Variants in IL11RA observed in about 807,000 individuals in gnomAD.
IL11RA encodes the protein interleukin 11 receptor subunit alpha.
A neutral mutation model predicts 57.0 loss-of-function variants in IL11RA; 51 were observed. The ratio of observed to expected loss-of-function variants is 0.89; its 90% CI spans 0.71 to 1.13. The LOEUF (loss-of-function observed/expected upper bound fraction) is 1.13, where lower values mean the gene tolerates loss of function less well. Among genes scored for constraint, IL11RA ranks in the 50% most tolerant of loss-of-function variants. IL11RA has a pLI of 0.00. For missense variants in IL11RA, 498 were observed against 539.4 expected, an observed-to-expected ratio of 0.92 and a Z score of 0.76; for synonymous variants, 199 against 217.5, an observed-to-expected ratio of 0.91 and a Z score of 0.75.
intron 3 of IL11RA, 129 bp downstream of exon 3, chr9:34,655,794 C>A (rs979581351): frequency 1.3e-6 from 1 of 790,556 alleles, no homozygotes; most frequent in Non-Finnish European, 2.2e-6. Context: ...CTGTCCTAAC[C>A]GTCTAACTAT....
At position 34,658,659 on chromosome 9, in the gene IL11RA, G is replaced by A. The variant is rs754009253; in HGVS notation, c.786G>A (p.Pro262=). 3.2e-5 allele frequency: 51 copies of A among 1,613,528 alleles called. No homozygotes were observed. Among genetic ancestry groups the A allele is most frequent in the East Asian group, 3.1e-4 (14 of 44,876 alleles). The change falls in exon 8 of 13, where the codon CCG becomes CCA. Residue 262 remains proline (P), a synonymous_variant. Transcript: ENST00000441545. This position sits in a 1 kb window ranked among gnomAD's most constrained non-coding sequence, Gnocchi z 4.0. ...FLLKFRLQYR[P]AQHPAWSTVE... ...TCAAGTTCCGTTTGCAGTACCGTCC[G>A]GCGCAGCATCCAGCCTGGTCCACGG...
At chr9:34,652,999 G>A (rs911211394) in intron 1 of IL11RA, among the ~76,000 whole-genome samples, 1 of 152,164 alleles carries the variant, frequency 6.6e-6, no homozygotes, top group Non-Finnish European at 1.5e-5. Flanking sequence ...CTGTGTGGGT[G>A]CATTTCCAGT....
rs773751266 is a variant in IL11RA at position 34,660,341 on chromosome 9, G to A, written c.1020G>A (p.Val340=). 13 of 1,614,198 alleles carry A rather than the reference G, an allele frequency of 8.1e-6. No homozygotes were observed. In the South Asian group the frequency reaches 1.1e-4, roughly 14 times the overall value. The change falls in exon 10 of 13, where the codon GTG becomes GTA. Residue 340 remains valine, a synonymous_variant. Transcript: ENST00000441545. The stretch of plus-strand genomic sequence containing the variant: ...CGCAGCCAGAGGTGGAGCCTCAGGT[G>A]GACAGCCCTGCTCCTCCAAGGCCCT... The part of the protein sequence containing the change: ...LHTQPEVEPQ[V]DSPAPPRPSL...
chr9:34,656,668 A>G (rs1172327526), intron 3 of IL11RA, 71 bp from the exon 4 acceptor site: 1 of 1,549,616 alleles, frequency 6.5e-7, no homozygotes, highest in African/African-American at 1.4e-5. Context: ...AAGCCAATGG[A>G]GAGCTGTGGC....
rs932699447 is a variant in IL11RA, at chr9:34,658,027, C to CT, written c.646+447dup. ...TCCACCCGCAGATCTCAGGTGGTTT[C>CT]TTTTTTTCTTTCTCTTCCTTTTTTT... is the stretch of plus-strand genomic sequence containing the variant. On this transcript the variant is annotated intron_variant, in intron 7 of 12. Transcript: ENST00000441545. The surrounding 1 kb of genome is among the most constrained non-coding windows in gnomAD (Gnocchi z 4.0). Among the ~76,000 whole-genome samples, 1 of 152,094 alleles carries CT rather than the reference C, an allele frequency of 6.6e-6. No homozygotes were observed. The highest frequency in any genetic ancestry group is 2.4e-5 in the African/African-American group (1 of 41,414).
chr9:34,657,221 GAGGT>G, intron 5 of IL11RA, 72 bp downstream of exon 5: 2 of 1,608,578 alleles, frequency 1.2e-6, no homozygotes, highest in Non-Finnish European at 1.7e-6. Context: ...GGGAGGCAGG[GAGGT>G]AGGTTCTGAG....
intron 1 of IL11RA, 26 bp from the exon 2 acceptor site, chr9:34,655,192 A>C: frequency 6.4e-7 from 1 of 1,554,488 alleles, no homozygotes; most frequent in African/African-American, 1.4e-5. Context: ...GGGGTCGGGG[A>C]TTTTTGACTC....
chr9:34,661,619 C>A lies in IL11RA; in HGVS notation c.*121C>A. 1 of 1,105,116 alleles carries A rather than the reference C, an allele frequency of 9.0e-7. No homozygotes were observed. Among genetic ancestry groups the A allele is most frequent in the East Asian group, 2.4e-5 (1 of 42,206 alleles). 68.5% of individuals were successfully genotyped at this position (1,105,116 alleles called of 1,614,324 possible). Reference sequence around the variant, plus strand: ...TCAGCTGGAAGTTCTGTTTGGAGCCCATTTCTGTGAGACCCTGTATTTCAA... The same window carrying A: ...TCAGCTGGAAGTTCTGTTTGGAGCCAATTTCTGTGAGACCCTGTATTTCAA... On this transcript the variant is annotated 3_prime_UTR_variant, in exon 13 of 13. Transcript: ENST00000441545.
At chr9:34,660,993 TC>T in intron 12 of IL11RA, 57 bp downstream of exon 12, 2 of 1,407,178 alleles carry the variant, frequency 1.4e-6, no homozygotes, top group South Asian at 1.2e-5. Flanking sequence ...ATTTTGAGTG[TC>T]CAGATTAAGA....
rs1249823328 is a variant in IL11RA at position 34,656,827 on chromosome 9, G to T, written c.250G>T (p.Ala84Ser). The T allele has an allele frequency of 6.2e-7, 1 of 1,614,182 alleles. No individual in the cohort carries two copies. Among genetic ancestry groups the T allele is most frequent in the Admixed American group, 1.7e-5 (1 of 60,026 alleles). Residue 84 changes from alanine to serine, a missense_variant, in exon 4 of 13, where the codon GCA becomes TCA. Transcript: ENST00000441545. ...AGGGCATGAACTGGTCCTGGCCCAG[G>T]CAGACAGCACTGATGAGGGCACCTA... ...GLGHELVLAQ[A>S]DSTDEGTYIC...
rs1391655818 is a variant in IL11RA at position 34,653,649 on chromosome 9, T to G, written c.-1+1416T>G. On this transcript the variant is annotated intron_variant, in intron 1 of 12. Coordinates refer to ENST00000441545, the MANE Select transcript of IL11RA (RefSeq NM_001142784.3). This position sits in a 1 kb window ranked among gnomAD's most constrained non-coding sequence, Gnocchi z 4.5. ...GAGTCTGTGTGTGAATGTGACTGTG[T>G]CTGGCTGTGTGAAAACACAGGGCAT... Among the ~76,000 whole-genome samples the G allele has an allele frequency of 6.6e-6, 1 of 152,234 alleles. No individual in the cohort carries two copies. The highest frequency in any genetic ancestry group is 2.4e-5 in the African/African-American group (1 of 41,458).
At chr9:34,657,263 T>G (rs1429216402) in intron 5 of IL11RA, 40 bp from the exon 6 acceptor site, 1 of 1,613,912 alleles carries the variant, frequency 6.2e-7, no homozygotes, top group Non-Finnish European at 8.5e-7. Context: ...CAGAAGGCCC[T>G]CTTTTCCTTC....
intron 3 of IL11RA, 162 bp downstream of exon 3, chr9:34,655,827 C>A: frequency 4.2e-6 from 3 of 719,242 alleles, no homozygotes; most frequent in Non-Finnish European, 7.6e-6. Flanking sequence ...GAAAATTCAA[C>A]TGGTATGTTT....
rs760958423 is a variant in IL11RA at position 34,659,893 on chromosome 9, G to A, written c.945G>A (p.Pro315=). Residue 315 remains proline, a synonymous_variant, in exon 9 of 13, where the codon CCG becomes CCA. Coordinates refer to ENST00000441545, the MANE Select transcript of IL11RA (RefSeq NM_001142784.3). ...GGAGCCCGGAGGCCTGGGGAACTCC[G>A]AGCACTGGTGAGAGACAAAGCCAAA... ...STWSPEAWGT[P]STGTIPKEIP... 7.4e-6 allele frequency: 12 copies of A among 1,613,988 alleles called. No individual in the cohort carries two copies. The highest frequency in any genetic ancestry group is 5.0e-5 in the Admixed American group (3 of 59,994).
intron 11 of IL11RA, 41 bp downstream of exon 11, chr9:34,660,641 A>G (rs766232858): frequency 6.6e-7 from 1 of 1,516,156 alleles, no homozygotes; most frequent in African/African-American, 1.4e-5. Flanking sequence ...TGATCCTCAC[A>G]CATGCTCTGA....
At position 34,660,911 on chromosome 9, in the gene IL11RA, A is replaced by G. The variant is rs201133341; in HGVS notation, c.1227A>G (p.Ser409=). The G allele has an allele frequency of 5.6e-5, 91 of 1,614,010 alleles. No homozygotes were observed. Among genetic ancestry groups the G allele is most frequent in the South Asian group, 3.3e-5 (3 of 91,092 alleles). Residue 409 remains serine, a synonymous_variant, in exon 12 of 13, where the codon TCA becomes TCG. Transcript: ENST00000441545. ...DGSPKPGFLA[S]VIPVDRRPGA... Reference sequence around the variant, plus strand: ...CCCCAAAGCCTGGGTTCTTGGCCTCAGTGATTCCAGTGGACAGGCGTCCAG... The same window carrying G: ...CCCCAAAGCCTGGGTTCTTGGCCTCGGTGATTCCAGTGGACAGGCGTCCAG...
At chr9:34,655,016 T>TGTGTGC (rs1020616428) in intron 1 of IL11RA, 35 of 557,902 alleles carry the variant, frequency 6.3e-5, no homozygotes, top group Middle Eastern at 5.0e-4. Context: ...TGTGTGTGTG[T>TGTGTGC]GCGCGCGCAC....
Position 34,660,282 on chromosome 9 carries a change from C to A in IL11RA, c.961C>A (p.Pro321Thr). 1 of 1,614,224 alleles carries A rather than the reference C, an allele frequency of 6.2e-7. No individual in the cohort carries two copies. Among genetic ancestry groups the A allele is most frequent in the Non-Finnish European group, 8.5e-7 (1 of 1,180,022 alleles). ...GTCTTGCCTTCCTTTAGGGACCATA[C>A]CAAAGGAGATACCAGCATGGGGCCA... ...AWGTPSTGTI[P>T]KEIPAWGQLH... Residue 321 changes from proline to threonine, a missense_variant, in exon 10 of 13, where the codon CCA becomes ACA. Physicochemically the swap from Pro to Thr is conservative, Grantham distance 38. Coordinates refer to ENST00000441545, the MANE Select transcript of IL11RA (RefSeq NM_001142784.3).
rs1821464325 is a variant in IL11RA, at chr9:34,661,889, A to T, written c.*391A>T. 3.1e-6 allele frequency: 5 copies of T among 1,597,680 alleles called. No individual in the cohort carries two copies. The highest frequency in any genetic ancestry group is 1.7e-5 in the Admixed American group (1 of 59,400). ...AAAGAGAATAAGGAAGTTCTTGGAG[A>T]TTATACTCAGAAATTATTATCCAAT... On this transcript the variant is annotated 3_prime_UTR_variant, in exon 13 of 13. Transcript: ENST00000441545.
Sources: allele counts gnomAD v4.1 joint callset (sites outside exome capture counted in the v4.1 genomes callset), GRCh38; gene constraint gnomAD v4.1.1; non-coding constraint Gnocchi (gnomAD v3.1); transcripts MANE v1.5; gene names NCBI Gene and HGNC (gene_info 2026-07-23, HGNC 2026-07-21).